ARHGAP24: variants seen among roughly 807,000 people sequenced by gnomAD.
The protein encoded by ARHGAP24 is rho GTPase-activating protein 24.
ARHGAP24 carries 50 observed loss-of-function variants against 76.4 expected under a neutral mutation model. The ratio of observed to expected loss-of-function variants is 0.65; its 90% CI spans 0.52 to 0.83. The LOEUF (loss-of-function observed/expected upper bound fraction) is 0.83. ARHGAP24 is among the 40% of genes least tolerant of loss of function. ARHGAP24 has a pLI of 0.00. For synonymous variants in ARHGAP24, 345 were observed against 323.3 expected (o/e 1.07, Z -0.72); for missense variants, 930 against 914.2 (o/e 1.02, Z -0.22).
At chr4:85,500,590 G>C (rs1202803435) in intron 1 of ARHGAP24, among the ~76,000 whole-genome samples, 1 of 152,020 alleles carries the variant, frequency 6.6e-6, no homozygotes, top group Non-Finnish European at 1.5e-5. Flanking sequence ...ATTTTAGTCA[G>C]GATTAACTAA....
At chr4:85,586,723 C>A (rs1486990468) in intron 2 of ARHGAP24, among the ~76,000 whole-genome samples, 1 of 151,930 alleles carries the variant, frequency 6.6e-6, no homozygotes, top group African/African-American at 2.4e-5. Flanking sequence ...TATGGTGAAA[C>A]CCCATCTCTA....
In ARHGAP24 at chr4:85,823,193, G is replaced by A. The variant is rs926496933; in HGVS notation, c.269-100455G>A. Among the ~76,000 whole-genome samples, 5 of 152,206 alleles carry A rather than the reference G, an allele frequency of 3.3e-5. No homozygotes were observed. The East Asian group carries it at 9.6e-4, about 29-fold the overall frequency. On this transcript the variant is annotated intron_variant, in intron 3 of 9. Coordinates refer to ENST00000395184, the MANE Select transcript of ARHGAP24 (RefSeq NM_001025616.3). ...AGATCAGAAAGAAAATAAAATTGCT[G>A]TAATTTCACTACCTAGAGATAAAAA...
chr4:85,828,527 T>TA (rs1553933100), intron 3 of ARHGAP24, among the ~76,000 whole-genome samples: 11 of 151,292 alleles, frequency 7.3e-5, no homozygotes, highest in Non-Finnish European at 1.0e-4. Flanking sequence ...TTTTTTTTTT[T>TA]TAAAAAAAGC....
chr4:85,670,378 G>A (rs957370917), intron 2 of ARHGAP24, among the ~76,000 whole-genome samples: 1 of 152,146 alleles, frequency 6.6e-6, no homozygotes, highest in Non-Finnish European at 1.5e-5. Context: ...TGCTACGTTA[G>A]CCAATTCAAA....
chr4:85,844,764 C>T (rs1221112615), intron 3 of ARHGAP24, among the ~76,000 whole-genome samples: 1 of 152,088 alleles, frequency 6.6e-6, no homozygotes, highest in Non-Finnish European at 1.5e-5. Flanking sequence ...GTTGCTGTAT[C>T]TCATAATTCT....
At chr4:85,976,779 CT>C (rs200270054) in intron 7 of ARHGAP24, among the ~76,000 whole-genome samples, 7,150 of 130,284 alleles carry the variant, frequency 0.055, 606 homozygotes, top group African/African-American at 0.19. Context: ...TTTTATTTCT[CT>C]TTTTTTTTTT....
intron 3 of ARHGAP24, among the ~76,000 whole-genome samples, chr4:85,730,526 C>G (rs1469306871): frequency 6.6e-6 from 1 of 152,162 alleles, no homozygotes; most frequent in Non-Finnish European, 1.5e-5. Flanking sequence ...CCTGCCTCAG[C>G]CTCCCGAGTA....
At chr4:85,577,810 T>C (rs969530679) in intron 2 of ARHGAP24, among the ~76,000 whole-genome samples, 3 of 152,160 alleles carry the variant, frequency 2.0e-5, no homozygotes, top group African/African-American at 2.4e-5. Context: ...AAATGAAGGA[T>C]GGTATCCGTA....
chr4:85,804,029 GCA>G (rs901450803), intron 3 of ARHGAP24, among the ~76,000 whole-genome samples: 2 of 149,950 alleles, frequency 1.3e-5, no homozygotes, highest in Non-Finnish European at 2.9e-5. Context: ...TTGGGTCACT[GCA>G]CCCTCCGCCT....
chr4:85,894,000 G>A (rs1459795549), intron 3 of ARHGAP24, among the ~76,000 whole-genome samples: 2 of 145,806 alleles, frequency 1.4e-5, no homozygotes, highest in Admixed American at 6.9e-5. Flanking sequence ...CCTAATGCTA[G>A]ATGACACGTT....
chr4:85,620,091 A>G (rs1325674407), intron 2 of ARHGAP24, among the ~76,000 whole-genome samples: 1 of 151,938 alleles, frequency 6.6e-6, no homozygotes, highest in African/African-American at 2.4e-5. Flanking sequence ...TTTTGCATCT[A>G]TGTTCATCAG....
intron 2 of ARHGAP24, among the ~76,000 whole-genome samples, chr4:85,638,027 G>A (rs1010249328): frequency 2.6e-5 from 4 of 151,900 alleles, no homozygotes; most frequent in Non-Finnish European, 4.4e-5. Context: ...CCACATTCTC[G>A]TCCCAGTCTG....
At chr4:85,958,569 T>G (rs1738056503) in intron 5 of ARHGAP24, among the ~76,000 whole-genome samples, 1 of 152,226 alleles carries the variant, frequency 6.6e-6, no homozygotes, top group Non-Finnish European at 1.5e-5. Context: ...TATAAGATTT[T>G]ATATTATGAA....
chr4:85,581,833 A>C (rs1379449298), intron 2 of ARHGAP24, among the ~76,000 whole-genome samples: 22 of 152,054 alleles, frequency 1.4e-4, no homozygotes, highest in Non-Finnish European at 3.1e-4. Flanking sequence ...ACATATATAA[A>C]ATACATGTGG....
intron 1 of ARHGAP24, 35 bp downstream of exon 1, chr4:85,475,594 T>C (rs1314671915): frequency 1.3e-5 from 2 of 150,234 alleles, no homozygotes; most frequent in Non-Finnish European, 3.0e-5. Flanking sequence ...TGCGCGGAGC[T>C]ACCGCGGGAA....
At chr4:85,647,609 T>C (rs949472305) in intron 2 of ARHGAP24, among the ~76,000 whole-genome samples, 1 of 152,128 alleles carries the variant, frequency 6.6e-6, no homozygotes, top group African/African-American at 2.4e-5. Context: ...AAAGAATAAA[T>C]TACAATAATG....
chr4:85,769,104 G>A (rs893424222), intron 3 of ARHGAP24, among the ~76,000 whole-genome samples: 5 of 151,942 alleles, frequency 3.3e-5, no homozygotes, highest in African/African-American at 4.8e-5. Context: ...TGAAAAAAAC[G>A]GTGATTAAAA....
At chr4:85,681,720 A>C (rs1279414104) in intron 2 of ARHGAP24, among the ~76,000 whole-genome samples, 1 of 152,388 alleles carries the variant, frequency 6.6e-6, no homozygotes, top group Admixed American at 6.5e-5. Context: ...TTCTTCATGC[A>C]GGATCCTCTA....
rs1047407214 is a variant in ARHGAP24, at chr4:85,577,255, T to A, written c.180+6534T>A. ...GAAAAAAAAATATATATATAATAGA[T>A]CCCTCAAAATAAAGATTTAGAAAGA... On this transcript the variant is annotated intron_variant, in intron 2 of 9. Transcript: ENST00000395184. Among the ~76,000 whole-genome samples the A allele has an allele frequency of 4.0e-5, 6 of 150,230 alleles. No homozygotes were observed. In the East Asian group the frequency reaches 1.2e-3, roughly 29 times the overall value.
Sources: allele counts gnomAD v4.1 joint callset (sites outside exome capture counted in the v4.1 genomes callset), GRCh38; gene constraint gnomAD v4.1.1; transcripts MANE v1.5; gene names NCBI Gene and HGNC (gene_info 2026-07-23, HGNC 2026-07-21).